The following OSBPL8 variants were observed in gnomAD, a reference collection of about 807,000 sequenced individuals.
The protein encoded by OSBPL8 is oxysterol binding protein like 8.
Under a neutral mutation model 125.5 loss-of-function variants are expected in OSBPL8, and 59 were observed. The ratio of observed to expected loss-of-function variants is 0.47; its 90% confidence interval spans 0.38 to 0.58. OSBPL8 has a LOEUF of 0.58. Among genes scored for constraint, OSBPL8 ranks in the 20% least tolerant of loss-of-function variants. The pLI, the probability that OSBPL8 is intolerant of heterozygous loss-of-function variation, is 0.00. For synonymous variants in OSBPL8, 330 were observed against 338.9 expected, an observed-to-expected ratio of 0.97 and a Z score of 0.29; for missense variants, 758 against 1,047.8, an observed-to-expected ratio of 0.72 and a Z score of 3.82.
chr12:76,462,550 A>C (rs1469117879), intron 2 of OSBPL8, among the ~76,000 whole-genome samples: 1 of 152,230 alleles, frequency 6.6e-6, no homozygotes, highest in African/African-American at 2.4e-5. Context: ...ACATAGCAGT[A>C]AGCAAAACAG....
intron 1 of OSBPL8, among the ~76,000 whole-genome samples, chr12:76,527,564 A>G (rs1950215031): frequency 1.3e-5 from 2 of 152,214 alleles, no homozygotes; most frequent in Non-Finnish European, 2.9e-5. Context: ...CATGGGTCTG[A>G]GAGCTCTACG....
chr12:76,489,600 G>A (rs1185942242), intron 1 of OSBPL8, among the ~76,000 whole-genome samples: 1 of 152,206 alleles, frequency 6.6e-6, no homozygotes, highest in African/African-American at 2.4e-5. Flanking sequence ...TAAGCTCACT[G>A]TTGAGACTAC....
At chr12:76,399,278 G>T (rs1486285123) in intron 7 of OSBPL8, among the ~76,000 whole-genome samples, 9 of 152,054 alleles carry the variant, frequency 5.9e-5, no homozygotes, top group Admixed American at 5.9e-4. Context: ...CTGTGAGTCA[G>T]AGTCCTACGA....
At chr12:76,447,581 T>C (rs575737946) in intron 4 of OSBPL8, among the ~76,000 whole-genome samples, 3 of 152,196 alleles carry the variant, frequency 2.0e-5, no homozygotes, top group Non-Finnish European at 4.4e-5. Context: ...TTCACTCTTA[T>C]TGCCCAGGCT....
intron 5 of OSBPL8, among the ~76,000 whole-genome samples, chr12:76,406,386 C>T (rs370306743): frequency 4.6e-5 from 7 of 152,100 alleles, no homozygotes; most frequent in African/African-American, 1.4e-4. Flanking sequence ...AATAGTTAAA[C>T]GGTTGAAAAA....
chr12:76,468,811 A>C (rs1423443149), intron 2 of OSBPL8, among the ~76,000 whole-genome samples: 1 of 152,248 alleles, frequency 6.6e-6, no homozygotes, highest in African/African-American at 2.4e-5. Context: ...TGTCAAATAG[A>C]ACTTTCTACG....
chr12:76,384,306 T>A lies in OSBPL8; in HGVS notation c.1578A>T (p.Arg526=). Residue 526 remains arginine (R), a synonymous_variant, in exon 15 of 24, where the codon CGA becomes CGT. Transcript: ENST00000261183. The part of the protein sequence containing the change: ...PPISAFYVSN[R]KDGFCLSGSI... ...TACCGCTAAGGCAAAATCCATCTTT[T>A]CGATTACTAACATAAAAGGCAGATA... The A allele has an allele frequency of 6.4e-7, 1 of 1,571,976 alleles. No homozygotes were observed. Among genetic ancestry groups the A allele is most frequent in the Non-Finnish European group, 8.7e-7 (1 of 1,152,836 alleles).
chr12:76,408,337 C>T (rs926894453), intron 5 of OSBPL8, among the ~76,000 whole-genome samples: 4 of 151,260 alleles, frequency 2.6e-5, no homozygotes, highest in Admixed American at 2.0e-4. Context: ...TGGCGGGCGC[C>T]TGTAGTCCCA....
At chr12:76,447,791 C>T (rs1872890818) in intron 4 of OSBPL8, among the ~76,000 whole-genome samples, 1 of 152,188 alleles carries the variant, frequency 6.6e-6, no homozygotes, top group Non-Finnish European at 1.5e-5. Flanking sequence ...AGGTAATCCA[C>T]CCGCCTTGGC....
At chr12:76,436,508 C>T (rs374491872) in intron 4 of OSBPL8, among the ~76,000 whole-genome samples, 2 of 149,290 alleles carry the variant, frequency 1.3e-5, no homozygotes, top group African/African-American at 4.9e-5. Context: ...CTTAATAAGA[C>T]ACATTCAAAA....
intron 21 of OSBPL8, among the ~76,000 whole-genome samples, chr12:76,359,912 C>G (rs1952134271): frequency 6.6e-6 from 1 of 152,126 alleles, no homozygotes; most frequent in Admixed American, 6.5e-5. Flanking sequence ...CCTCCCACAA[C>G]ACGTGGGAAT....
In OSBPL8 at chr12:76,418,757, C is replaced by T. The variant is rs1869068456; in HGVS notation, c.218-8123G>A. Reference sequence around the variant, plus strand: ...TGAGGTGAGAGGATCACTTGAACCCCAGGAGGCGGAGGTTGCTGTGAGCCA... The same window carrying T: ...TGAGGTGAGAGGATCACTTGAACCCTAGGAGGCGGAGGTTGCTGTGAGCCA... On this transcript the variant is annotated intron_variant, in intron 4 of 23. Coordinates refer to ENST00000261183, the MANE Select transcript of OSBPL8 (RefSeq NM_020841.5). Among the ~76,000 whole-genome samples the T allele has an allele frequency of 7.2e-5, 11 of 152,018 alleles. No homozygotes were observed. The South Asian group carries it at 2.3e-3, about 32-fold the overall frequency.
intron 2 of OSBPL8, among the ~76,000 whole-genome samples, chr12:76,462,432 C>A (rs1468990597): frequency 6.6e-6 from 1 of 152,096 alleles, no homozygotes; most frequent in African/African-American, 2.4e-5. Flanking sequence ...AGTTGAGGCA[C>A]TGAACAATAA....
chr12:76,532,242 G>A (rs1950361989), intron 1 of OSBPL8, among the ~76,000 whole-genome samples: 1 of 151,462 alleles, frequency 6.6e-6, no homozygotes, highest in East Asian at 1.9e-4. Context: ...TAAACTAGGT[G>A]GTATCAGAAA....
intron 1 of OSBPL8, among the ~76,000 whole-genome samples, chr12:76,499,110 G>GCA (rs1490913985): frequency 6.6e-6 from 1 of 152,030 alleles, no homozygotes; most frequent in Non-Finnish European, 1.5e-5. Context: ...TATAAGGCAG[G>GCA]CAGGAAAACG....
chr12:76,413,508 G>A (rs1215593941), intron 4 of OSBPL8, among the ~76,000 whole-genome samples: 2 of 152,134 alleles, frequency 1.3e-5, no homozygotes, highest in East Asian at 3.9e-4. Flanking sequence ...GTTTCTCTAA[G>A]GTTTAAATCT....
intron 1 of OSBPL8, among the ~76,000 whole-genome samples, chr12:76,512,844 A>T (rs79473542): frequency 1.3e-5 from 2 of 152,098 alleles, no homozygotes; most frequent in Non-Finnish European, 2.9e-5. Context: ...ATTTGTCTGC[A>T]TCTTTTCTGA....
intron 1 of OSBPL8, among the ~76,000 whole-genome samples, chr12:76,548,344 C>T (rs748125187): frequency 4.6e-5 from 7 of 152,040 alleles, no homozygotes; most frequent in Non-Finnish European, 8.8e-5. Flanking sequence ...GGAACCAATA[C>T]GTCTGAGAAG....
At chr12:76,366,377 T>C (rs1952414890) in intron 21 of OSBPL8, among the ~76,000 whole-genome samples, 1 of 152,216 alleles carries the variant, frequency 6.6e-6, no homozygotes, top group South Asian at 2.1e-4. Context: ...TTCTTTATGA[T>C]TGGTAGTAAC....
Sources: allele counts gnomAD v4.1 joint callset (sites outside exome capture counted in the v4.1 genomes callset), GRCh38; gene constraint gnomAD v4.1.1; transcripts MANE v1.5; gene names NCBI Gene and HGNC (gene_info 2026-07-23, HGNC 2026-07-21).